COLEC10: variants seen among roughly 807,000 people sequenced by gnomAD.
The protein encoded by COLEC10 is collectin-10.
In COLEC10, 22 loss-of-function variants were observed where a neutral mutation model predicts 28.4. The observed-to-expected ratio is 0.78, with a 90% CI of 0.55 to 1.11. The LOEUF (loss-of-function observed/expected upper bound fraction) is 1.11, where lower values mean the gene tolerates loss of function less well. Among genes scored for constraint, COLEC10 ranks in the 50% least tolerant of loss-of-function variants. COLEC10 has a pLI of 0.00. For missense variants in COLEC10, 361 were observed against 344.1 expected, an observed-to-expected ratio of 1.05 and a Z score of -0.39; for synonymous variants, 125 against 116.1, an observed-to-expected ratio of 1.08 and a Z score of -0.49.
At chr8:118,975,632 G>A in the COLEC10 span, among the ~76,000 whole-genome samples, 24 of 152,066 alleles carry the variant, frequency 1.6e-4, no homozygotes, top group South Asian at 5.0e-3. Context: ...CCAGTGGCTT[G>A]GATTCTTCTT....
intron 1 of COLEC10, among the ~76,000 whole-genome samples, chr8:119,079,771 C>T (rs1199598181): frequency 7.4e-5 from 10 of 134,610 alleles, no homozygotes; most frequent in Non-Finnish European, 1.6e-4. Context: ...CAGTTGTTTT[C>T]TTTGCTAGGT....
intron 2 of COLEC10, among the ~76,000 whole-genome samples, chr8:119,041,194 G>T (rs13275725): frequency 6.6e-6 from 1 of 152,146 alleles, no homozygotes; most frequent in Admixed American, 6.5e-5. Flanking sequence ...CTCCTCCAAA[G>T]CTAGTGCTGC....
chr8:118,982,924 A>C, the COLEC10 span: 1 of 152,168 alleles, frequency 6.6e-6, no homozygotes, highest in African/African-American at 2.4e-5. Context: ...TGTGGATCTC[A>C]GTGCACCAAC....
chr8:118,989,150 G>C, the COLEC10 span, among the ~76,000 whole-genome samples: 1 of 152,186 alleles, frequency 6.6e-6, no homozygotes, highest in Admixed American at 6.5e-5. Flanking sequence ...AATGTAAGCA[G>C]AGAGATATTC....
At chr8:119,095,202 AAT>A (rs1470550519) in intron 3 of COLEC10, among the ~76,000 whole-genome samples, 1 of 152,222 alleles carries the variant, frequency 6.6e-6, no homozygotes, top group Non-Finnish European at 1.5e-5. Context: ...GACCATTTAT[AAT>A]AGTGTCAAAA....
chr8:119,022,028 AGT>A (rs1407886767), intron 2 of COLEC10, among the ~76,000 whole-genome samples: 1 of 152,206 alleles, frequency 6.6e-6, no homozygotes, highest in Non-Finnish European at 1.5e-5. Context: ...TTTTATAGTC[AGT>A]AGCCTTTCCT....
upstream of COLEC10, among the ~76,000 whole-genome samples, chr8:118,994,012 A>T (rs1046795315): frequency 6.6e-6 from 1 of 152,146 alleles, no homozygotes; most frequent in Non-Finnish European, 1.5e-5. Context: ...GGTGATCATC[A>T]TCTTAAGCTA....
chr8:119,094,522 G>A (rs1815672413), intron 3 of COLEC10, among the ~76,000 whole-genome samples: 1 of 152,166 alleles, frequency 6.6e-6, no homozygotes, highest in African/African-American at 2.4e-5. Context: ...GTATGACAGT[G>A]CAACCAAAAT....
In COLEC10 at chr8:119,106,066, G is replaced by T; in HGVS notation, c.709G>T (p.Gly237Trp). Reference sequence around the variant, plus strand: ...GCAGAACTATAGCAACTGGAATGAGGGGGAACCCAGCGACCCCTATGGTCA... The same window carrying T: ...GCAGAACTATAGCAACTGGAATGAGTGGGAACCCAGCGACCCCTATGGTCA... ...PLQNYSNWNE[G>W]EPSDPYGHED... The change falls in exon 6 of 6, where the codon GGG becomes TGG. Residue 237 changes from glycine (G) to tryptophan (W), a missense_variant. By Grantham distance (184) the Gly-to-Trp change is radical (BLOSUM62 -2). Transcript: ENST00000332843. 6.2e-7 allele frequency: 1 copy of T among 1,613,900 alleles called. No individual in the cohort carries two copies.
At chr8:119,025,093 T>C (rs1330245055) in intron 2 of COLEC10, among the ~76,000 whole-genome samples, 2 of 152,188 alleles carry the variant, frequency 1.3e-5, no homozygotes, top group Admixed American at 1.3e-4. Context: ...AGTACCGTTT[T>C]TCAGAGCTTG....
At chr8:119,002,463 T>C (rs1451368981) in intron 1 of COLEC10, among the ~76,000 whole-genome samples, 1 of 152,178 alleles carries the variant, frequency 6.6e-6, no homozygotes, top group African/African-American at 2.4e-5. Context: ...AATGAATTAT[T>C]CTTCCATTAA....
intron 1 of COLEC10, among the ~76,000 whole-genome samples, chr8:119,073,835 T>C (rs1241522626): frequency 6.6e-6 from 1 of 151,996 alleles, no homozygotes; most frequent in African/African-American, 2.4e-5. Context: ...TAATCACTAG[T>C]AGAGATCATA....
intron 2 of COLEC10, 25 bp downstream of exon 2, chr8:119,089,776 C>T (rs1276127171): frequency 1.3e-6 from 2 of 1,583,982 alleles, no homozygotes; most frequent in Middle Eastern, 1.7e-4. Flanking sequence ...GTGAAACTGA[C>T]ATTTTAATAT....
chr8:119,073,274 C>G (rs1375865945), intron 1 of COLEC10, among the ~76,000 whole-genome samples: 1 of 152,190 alleles, frequency 6.6e-6, no homozygotes, highest in East Asian at 1.9e-4. Flanking sequence ...ATTTTCCTCA[C>G]CTTATATCTT....
chr8:119,069,629 A>AAAAAAATATATATAT (rs1554627284), intron 1 of COLEC10, among the ~76,000 whole-genome samples: 9 of 42,878 alleles, frequency 2.1e-4, no homozygotes, highest in East Asian at 9.6e-4. Context: ...AAAAAAAAAA[A>AAAAAAATATATATAT]ATATATATAT....
chr8:119,105,303 C>T (rs973033441), intron 5 of COLEC10, among the ~76,000 whole-genome samples: 3 of 151,990 alleles, frequency 2.0e-5, no homozygotes, highest in Non-Finnish European at 2.9e-5. Context: ...AATGGAAACT[C>T]GGGAGAGTGA....
intron 1 of COLEC10, among the ~76,000 whole-genome samples, chr8:119,088,680 C>A (rs1049224991): frequency 2.6e-5 from 4 of 152,156 alleles, no homozygotes; most frequent in Non-Finnish European, 4.4e-5. Flanking sequence ...GTCATAATAT[C>A]GTGTGTGTTG....
At chr8:119,083,020 A>G (rs1815397993) in intron 1 of COLEC10, among the ~76,000 whole-genome samples, 1 of 152,062 alleles carries the variant, frequency 6.6e-6, no homozygotes, top group Non-Finnish European at 1.5e-5. Flanking sequence ...TCTCATAATC[A>G]TTATCTAGTG....
chr8:119,071,067 A>G (rs1320493508), intron 1 of COLEC10, among the ~76,000 whole-genome samples: 1 of 152,170 alleles, frequency 6.6e-6, no homozygotes, highest in African/African-American at 2.4e-5. Flanking sequence ...TACTAGTTAT[A>G]TATCAGGTTA....
Sources: gnomAD v4.1 joint callset for allele counts (sites outside exome capture counted in the v4.1 genomes callset) on GRCh38, gnomAD v4.1.1 for gene constraint, MANE v1.5 for transcripts, NCBI Gene and HGNC (gene_info 2026-07-23, HGNC 2026-07-21) for gene names.